The following SKAP1 variants were observed in gnomAD, a reference collection of about 807,000 sequenced individuals.
SKAP1 encodes src kinase-associated phosphoprotein 1.
In SKAP1, 44 loss-of-function variants were observed where a neutral mutation model predicts 58.5. The observed-to-expected ratio is 0.75, with a 90% CI of 0.59 to 0.97. SKAP1 has a LOEUF of 0.97. Ranked by LOEUF, SKAP1 falls within the 50% of genes least tolerant of loss-of-function variation. SKAP1 has a pLI of 0.00. For missense variants in SKAP1, 390 were observed against 435.2 expected, an observed-to-expected ratio of 0.90 and a Z score of 0.92; for synonymous variants, 127 against 149.7, an observed-to-expected ratio of 0.85 and a Z score of 1.11.
chr17:48,433,586 G>A (rs568140468), upstream of SKAP1, among the ~76,000 whole-genome samples: 1 of 152,224 alleles, frequency 6.6e-6, no homozygotes, highest in Admixed American at 6.5e-5. Context: ...ACAAAAGAAT[G>A]ACAAGGTTAA....
At chr17:48,287,098 AAAATAAAT>A (rs57589895) in intron 4 of SKAP1, among the ~76,000 whole-genome samples, 31,105 of 146,892 alleles carry the variant, frequency 0.21, 3,289 homozygotes, top group Admixed American at 0.22. Context: ...CTCCGTCTCA[AAAATAAAT>A]AAATAAATAA....
At chr17:48,353,194 G>A (rs2066825804) in intron 3 of SKAP1, among the ~76,000 whole-genome samples, 1 of 152,054 alleles carries the variant, frequency 6.6e-6, no homozygotes, top group Admixed American at 6.6e-5. Context: ...TTTCATGCTT[G>A]CAAAATTTAG....
intron 4 of SKAP1, among the ~76,000 whole-genome samples, chr17:48,344,080 A>G (rs567077348): frequency 2.1e-4 from 32 of 152,328 alleles, no homozygotes; most frequent in African/African-American, 7.7e-4. Context: ...TCAATAAACA[A>G]TAAATGCTGG....
intron 4 of SKAP1, among the ~76,000 whole-genome samples, chr17:48,203,040 A>C (rs981099180): frequency 1.3e-5 from 2 of 152,236 alleles, no homozygotes; most frequent in African/African-American, 4.8e-5. Flanking sequence ...TATGGCAGGC[A>C]CTGGACCTGC....
chr17:48,291,008 G>A (rs563693144), intron 4 of SKAP1, among the ~76,000 whole-genome samples: 54 of 152,044 alleles, frequency 3.6e-4, no homozygotes, highest in African/African-American at 1.3e-3. Context: ...GGTGGCATGC[G>A]CCTGTAATCC....
intron 4 of SKAP1, among the ~76,000 whole-genome samples, chr17:48,260,481 A>T (rs1055390568): frequency 1.3e-5 from 2 of 152,182 alleles, no homozygotes; most frequent in African/African-American, 4.8e-5. Context: ...TTCAAGGTTA[A>T]TGAGTTGGCA....
intron 4 of SKAP1, among the ~76,000 whole-genome samples, chr17:48,344,491 A>G (rs888414055): frequency 6.6e-6 from 1 of 152,200 alleles, no homozygotes; most frequent in Non-Finnish European, 1.5e-5. Flanking sequence ...AGTTGGAAAT[A>G]CCAAATAAGT....
Position 48,230,010 on chromosome 17 carries a change from C to T in SKAP1, c.281-40510G>A, listed in dbSNP as rs1428778352. Among the ~76,000 whole-genome samples the T allele has an allele frequency of 2.6e-5, 4 of 152,186 alleles. No individual in the cohort carries two copies. In the East Asian group the frequency reaches 7.7e-4, roughly 29 times the overall value. Reference sequence around the variant, plus strand: ...AAATTCGCCTCCATGCTGACAGTCTCTGTTAGAAGGGCAGAGCATCCAGGC... The same window carrying T: ...AAATTCGCCTCCATGCTGACAGTCTTTGTTAGAAGGGCAGAGCATCCAGGC... On this transcript the variant is annotated intron_variant, in intron 4 of 12. Coordinates refer to ENST00000336915, the MANE Select transcript of SKAP1 (RefSeq NM_003726.4).
intron 3 of SKAP1, among the ~76,000 whole-genome samples, chr17:48,362,785 A>G (rs1470653430): frequency 1.3e-5 from 2 of 152,216 alleles, no homozygotes; most frequent in African/African-American, 4.8e-5. Context: ...TAAAACTTAT[A>G]ATCACTCACA....
At chr17:48,379,774 C>T (rs1215323514) in intron 2 of SKAP1, among the ~76,000 whole-genome samples, 7 of 151,606 alleles carry the variant, frequency 4.6e-5, no homozygotes, top group South Asian at 2.1e-4. Context: ...CTCTGCCTCC[C>T]GGGTTCAAGC....
intron 4 of SKAP1, among the ~76,000 whole-genome samples, chr17:48,245,243 A>C (rs930705094): frequency 4.6e-5 from 7 of 152,312 alleles, no homozygotes; most frequent in African/African-American, 1.7e-4. Context: ...TAAGATTACA[A>C]CCAAAAATGA....
At chr17:48,258,205 A>G (rs972290181) in intron 4 of SKAP1, among the ~76,000 whole-genome samples, 5 of 152,130 alleles carry the variant, frequency 3.3e-5, no homozygotes, top group African/African-American at 7.2e-5. Flanking sequence ...ATCTCTGTTC[A>G]CCTGAATGAC....
intron 4 of SKAP1, among the ~76,000 whole-genome samples, chr17:48,343,905 G>A (rs905798114): frequency 2.0e-5 from 3 of 152,080 alleles, no homozygotes; most frequent in East Asian, 3.8e-4. Flanking sequence ...GCACTACTAC[G>A]TACCAGCTGT....
At chr17:48,335,656 A>C (rs1350080003) in intron 4 of SKAP1, among the ~76,000 whole-genome samples, 1 of 152,086 alleles carries the variant, frequency 6.6e-6, no homozygotes, top group African/African-American at 2.4e-5. Context: ...GACAGAGGAG[A>C]TCTGATTAAA....
intron 4 of SKAP1, among the ~76,000 whole-genome samples, chr17:48,296,306 T>C (rs1050913314): frequency 6.6e-6 from 1 of 152,208 alleles, no homozygotes; most frequent in African/African-American, 2.4e-5. Flanking sequence ...AATCTATGCA[T>C]GACTGCGCTG....
chr17:48,285,540 G>T (rs772105530), intron 4 of SKAP1, among the ~76,000 whole-genome samples: 7 of 151,844 alleles, frequency 4.6e-5, no homozygotes, highest in Non-Finnish European at 7.4e-5. Context: ...GCTTGAGTCT[G>T]GGAGGCGGAG....
chr17:48,141,167 G>A (rs548236591), intron 11 of SKAP1, among the ~76,000 whole-genome samples: 10 of 151,974 alleles, frequency 6.6e-5, no homozygotes, highest in South Asian at 2.1e-4. Flanking sequence ...TCTTCTTTCC[G>A]TTCCCAGTTG....
At chr17:48,307,353 G>A (rs1289774922) in intron 4 of SKAP1, 1 of 152,304 alleles carries the variant, frequency 6.6e-6, no homozygotes, top group Admixed American at 6.5e-5. Context: ...AGAGAGAAAG[G>A]GAGAGAAGAG....
intron 4 of SKAP1, among the ~76,000 whole-genome samples, chr17:48,221,595 C>T (rs997945465): frequency 1.3e-5 from 2 of 152,168 alleles, no homozygotes; most frequent in Non-Finnish European, 2.9e-5. Context: ...CTGTATAGTG[C>T]ATTATATCAA....
Sources: gnomAD v4.1 joint callset for allele counts (sites outside exome capture counted in the v4.1 genomes callset) on GRCh38, gnomAD v4.1.1 for gene constraint, MANE v1.5 for transcripts, NCBI Gene and HGNC (gene_info 2026-07-23, HGNC 2026-07-21) for gene names.